The following RGL1 variants were observed in gnomAD, a reference collection of about 807,000 sequenced individuals.
The protein encoded by RGL1 is ral guanine nucleotide dissociation stimulator like 1, also known as ral guanine nucleotide dissociation stimulator-like 1.
In RGL1, 24 loss-of-function variants were observed where a neutral mutation model predicts 95.2. The ratio of observed to expected loss-of-function variants is 0.25; its 90% confidence interval spans 0.18 to 0.35. RGL1 has a LOEUF of 0.35. Among genes scored for constraint, RGL1 ranks in the 10% least tolerant of loss-of-function variants. The probability of loss-of-function intolerance (pLI) is 1.00; values close to 1 mark genes in which losing one functional copy is unlikely to be tolerated. For synonymous variants in RGL1, 329 were observed against 344.9 expected, an observed-to-expected ratio of 0.95 and a Z score of 0.51; for missense variants, 715 against 936.3, an observed-to-expected ratio of 0.76 and a Z score of 3.08.
intron 1 of RGL1, among the ~76,000 whole-genome samples, chr1:183,733,565 C>T (rs1656758558): frequency 6.6e-6 from 1 of 152,174 alleles, no homozygotes; most frequent in Admixed American, 6.5e-5. Flanking sequence ...TCTGCCCTCT[C>T]CCCTGCTGGA....
intron 2 of RGL1, among the ~76,000 whole-genome samples, chr1:183,818,304 A>G (rs1662222633): frequency 6.6e-6 from 1 of 152,170 alleles, no homozygotes; most frequent in South Asian, 2.1e-4. Flanking sequence ...ACCTGGTCCT[A>G]TTCTTAGTAG....
At chr1:183,895,346 G>T (rs965708355) in intron 9 of RGL1, among the ~76,000 whole-genome samples, 1 of 152,084 alleles carries the variant, frequency 6.6e-6, no homozygotes, top group Admixed American at 6.6e-5. Context: ...GCTAAAGATG[G>T]TTATAAAGAA....
intron 2 of RGL1, among the ~76,000 whole-genome samples, chr1:183,827,598 G>C (rs965821777): frequency 6.6e-6 from 1 of 152,196 alleles, no homozygotes; most frequent in South Asian, 2.1e-4. Context: ...CTGTATTTTC[G>C]ATTAAGGTAT....
intron 1 of RGL1, among the ~76,000 whole-genome samples, chr1:183,680,935 T>C (rs886689604): frequency 1.1e-4 from 17 of 152,202 alleles, no homozygotes; most frequent in African/African-American, 4.1e-4. Flanking sequence ...ATTCTCTTTA[T>C]AGCAATTGTG....
At chr1:183,675,909 G>A (rs1558147984) in intron 1 of RGL1, among the ~76,000 whole-genome samples, 1 of 152,176 alleles carries the variant, frequency 6.6e-6, no homozygotes, top group East Asian at 1.9e-4. Context: ...GCTTTGAGAG[G>A]CTGAGGCAGG....
At chr1:183,695,766 C>T (rs898046959) in intron 1 of RGL1, among the ~76,000 whole-genome samples, 1 of 151,934 alleles carries the variant, frequency 6.6e-6, no homozygotes, top group Non-Finnish European at 1.5e-5. Flanking sequence ...TCAAATTAAC[C>T]AGTAACATTA....
chr1:183,716,430 C>G (rs1232566868), intron 1 of RGL1, among the ~76,000 whole-genome samples: 1 of 152,192 alleles, frequency 6.6e-6, no homozygotes, highest in East Asian at 1.9e-4. Flanking sequence ...CTAAAAGAGG[C>G]CTCTTCATCT....
chr1:183,640,495 A>C (rs1399168506), intron 1 of RGL1, among the ~76,000 whole-genome samples: 1 of 152,224 alleles, frequency 6.6e-6, no homozygotes, highest in African/African-American at 2.4e-5. Context: ...AAAGATTAAA[A>C]AAAATTGTAA....
At chr1:183,691,045 T>A (rs970455367) in intron 1 of RGL1, among the ~76,000 whole-genome samples, 3 of 152,118 alleles carry the variant, frequency 2.0e-5, no homozygotes, top group African/African-American at 7.2e-5. Flanking sequence ...TTTGGAACTT[T>A]AAAAAATAAA....
intron 2 of RGL1, among the ~76,000 whole-genome samples, chr1:183,755,816 A>G (rs1350814369): frequency 6.6e-6 from 1 of 151,812 alleles, no homozygotes; most frequent in Non-Finnish European, 1.5e-5. Context: ...CAGCATGAGT[A>G]TGGGCACTCA....
chr1:183,848,043 T>C (rs1664562715), intron 3 of RGL1, among the ~76,000 whole-genome samples: 2 of 152,238 alleles, frequency 1.3e-5, no homozygotes, highest in Non-Finnish European at 2.9e-5. Context: ...ATGGATTTAC[T>C]ATTTGCCACC....
At position 183,926,558 on chromosome 1, in the gene RGL1, A is replaced by G. The variant is rs1669630467; in HGVS notation, c.*266A>G. On this transcript the variant is annotated 3_prime_UTR_variant, in exon 18 of 18. Coordinates refer to ENST00000360851, the MANE Select transcript of RGL1 (RefSeq NM_001297671.3). ...AATTACCAACATTTAAAACATATATATGCACATGTATTTGGTATGCATGTG... is the reference window on the plus strand; with the variant it reads ...AATTACCAACATTTAAAACATATATGTGCACATGTATTTGGTATGCATGTG... 1.2e-5 allele frequency: 3 copies of G among 250,066 alleles called. No homozygotes were observed. Among genetic ancestry groups the G allele is most frequent in the Non-Finnish European group, 2.3e-5 (3 of 129,398 alleles). 15.5% of individuals were successfully genotyped at this position (250,066 alleles called of 1,614,324 possible).
intron 1 of RGL1, among the ~76,000 whole-genome samples, chr1:183,688,392 A>G (rs1374037219): frequency 1.3e-5 from 2 of 152,122 alleles, no homozygotes; most frequent in African/African-American, 4.8e-5. Context: ...GTGAGGCTTT[A>G]TGTCTTTATT....
chr1:183,846,888 G>T (rs1664480400), intron 2 of RGL1, among the ~76,000 whole-genome samples: 1 of 151,838 alleles, frequency 6.6e-6, no homozygotes, highest in East Asian at 1.9e-4. Context: ...TCAAAAAAAA[G>T]AATGAGTTTG....
intron 1 of RGL1, among the ~76,000 whole-genome samples, chr1:183,702,619 G>C (rs563717686): frequency 2.7e-4 from 41 of 152,292 alleles, no homozygotes; most frequent in Non-Finnish European, 2.9e-5. Flanking sequence ...GTCTGTGTCT[G>C]TGACAGTCCC....
intron 1 of RGL1, among the ~76,000 whole-genome samples, chr1:183,716,231 C>T (rs1190160936): frequency 2.0e-5 from 3 of 152,050 alleles, no homozygotes; most frequent in Non-Finnish European, 2.9e-5. Context: ...GTGACTCAGT[C>T]GATCTAAGGG....
chr1:183,781,568 A>G (rs1057021374), intron 2 of RGL1, among the ~76,000 whole-genome samples: 1 of 152,158 alleles, frequency 6.6e-6, no homozygotes, highest in Non-Finnish European at 1.5e-5. Flanking sequence ...AAAGTTAACC[A>G]CTGTTAACCA....
chr1:183,801,143 T>TTGTGTG (rs139990784), upstream of RGL1, among the ~76,000 whole-genome samples: 3,502 of 129,940 alleles, frequency 0.027, 94 homozygotes, highest in African/African-American at 0.072. Context: ...ACTTGTTATT[T>TTGTGTG]TGTGTGTGTG....
intron 1 of RGL1, among the ~76,000 whole-genome samples, chr1:183,700,204 C>T (rs2102139369): frequency 6.6e-6 from 1 of 152,284 alleles, no homozygotes; most frequent in Non-Finnish European, 1.5e-5. Flanking sequence ...CCACTAGCCA[C>T]TTCAATTATG....
Sources: gnomAD v4.1 joint callset for allele counts (sites outside exome capture counted in the v4.1 genomes callset) on GRCh38, gnomAD v4.1.1 for gene constraint, MANE v1.5 for transcripts, NCBI Gene and HGNC (gene_info 2026-07-23, HGNC 2026-07-21) for gene names.